Variants in TENM3 observed in about 807,000 individuals in gnomAD.
TENM3 encodes the protein teneurin transmembrane protein 3, also known as teneurin-3.
TENM3 carries 63 observed loss-of-function variants against 255.1 expected under a neutral mutation model. The ratio of observed to expected loss-of-function variants is 0.25; its 90% CI spans 0.20 to 0.30. The LOEUF (loss-of-function observed/expected upper bound fraction) is 0.30. TENM3 is among the 10% of genes least tolerant of loss of function. The probability of loss-of-function intolerance (pLI) is 1.00; values close to 1 mark genes in which losing one functional copy is unlikely to be tolerated. For missense variants in TENM3, 2,929 were observed against 3,461.1 expected, an observed-to-expected ratio of 0.85 and a Z score of 3.86; for synonymous variants, 1,306 against 1,322.3, an observed-to-expected ratio of 0.99 and a Z score of 0.27.
the TENM3 span, among the ~76,000 whole-genome samples, chr4:181,473,591 C>CA: frequency 6.7e-6 from 1 of 149,558 alleles, no homozygotes; most frequent in Non-Finnish European, 1.5e-5. Flanking sequence ...GACTCTGTCT[C>CA]AAAAAACAAC....
chr4:181,783,775 C>A, the TENM3 span, among the ~76,000 whole-genome samples: 12 of 152,164 alleles, frequency 7.9e-5, no homozygotes, highest in African/African-American at 2.4e-4. Flanking sequence ...CTCACTGCTA[C>A]AGCCTTGACC....
the TENM3 span, among the ~76,000 whole-genome samples, chr4:181,461,566 T>C: frequency 1.3e-5 from 2 of 152,192 alleles, no homozygotes; most frequent in South Asian, 4.1e-4. Flanking sequence ...GTCTTTTCTT[T>C]CTGCACTTCA....
At chr4:182,241,502 CCTTTCTTTTTT>C (rs1324770698), upstream of TENM3, among the ~76,000 whole-genome samples, 1 of 142,542 alleles carries the variant, frequency 7.0e-6, no homozygotes, top group Non-Finnish European at 1.5e-5. Flanking sequence ...CTTCCTTTTC[CCTTTCTTTTTT>C]CTTTCTTTTT....
At chr4:182,263,360 G>A (rs1031729208) in intron 1 of TENM3, among the ~76,000 whole-genome samples, 1 of 152,068 alleles carries the variant, frequency 6.6e-6, no homozygotes, top group African/African-American at 2.4e-5. Context: ...TTAATAAAAG[G>A]CAGAGGCGCT....
chr4:181,956,395 A>T, the TENM3 span, among the ~76,000 whole-genome samples: 1 of 152,224 alleles, frequency 6.6e-6, no homozygotes, highest in African/African-American at 2.4e-5. Context: ...CCCATGACAA[A>T]AGTTGTATGC....
At chr4:182,265,487 C>T (rs956559839) in intron 1 of TENM3, among the ~76,000 whole-genome samples, 2 of 152,088 alleles carry the variant, frequency 1.3e-5, no homozygotes, top group Admixed American at 6.5e-5. Flanking sequence ...GTAGTGTTTC[C>T]CTCCTTTTGG....
chr4:181,859,915 C>G, the TENM3 span, among the ~76,000 whole-genome samples: 1 of 151,894 alleles, frequency 6.6e-6, no homozygotes, highest in African/African-American at 2.4e-5. Flanking sequence ...TTTCCTCAGA[C>G]TTTCTTTAAT....
intron 1 of TENM3, among the ~76,000 whole-genome samples, chr4:182,237,325 T>G (rs1466972781): frequency 6.6e-6 from 1 of 152,170 alleles, no homozygotes; most frequent in South Asian, 2.1e-4. Context: ...TATGCATGTA[T>G]CTTTATAACA....
At chr4:181,653,100 C>T in the TENM3 span, among the ~76,000 whole-genome samples, 1 of 152,186 alleles carries the variant, frequency 6.6e-6, no homozygotes, top group African/African-American at 2.4e-5. Context: ...GAGCCTACTC[C>T]ATGCCAGGCA....
At chr4:182,133,411 T>C in the TENM3 span, among the ~76,000 whole-genome samples, 10 of 152,210 alleles carry the variant, frequency 6.6e-5, no homozygotes, top group Non-Finnish European at 1.3e-4. Context: ...GGGATTTCTA[T>C]TAAAGGCTAC....
chr4:182,573,721 A>G (rs1276993331), intron 3 of TENM3, among the ~76,000 whole-genome samples: 2 of 152,226 alleles, frequency 1.3e-5, no homozygotes, highest in South Asian at 2.1e-4. Flanking sequence ...CTGAAGCTTT[A>G]TATCAGAATT....
chr4:182,136,407 T>C, the TENM3 span, among the ~76,000 whole-genome samples: 1 of 152,182 alleles, frequency 6.6e-6, no homozygotes, highest in Non-Finnish European at 1.5e-5. Context: ...CACATTTTTG[T>C]GTATAGATGT....
At chr4:182,310,400 T>A (rs530072120) in intron 1 of TENM3, among the ~76,000 whole-genome samples, 1 of 152,086 alleles carries the variant, frequency 6.6e-6, no homozygotes, top group African/African-American at 2.4e-5. Context: ...GAGGTCTGCT[T>A]CTTCTACGTA....
the TENM3 span, among the ~76,000 whole-genome samples, chr4:181,766,177 C>T: frequency 2.0e-5 from 3 of 152,186 alleles, no homozygotes; most frequent in Admixed American, 1.3e-4. Flanking sequence ...TCACGAAGTA[C>T]TGAGCCACTG....
At chr4:182,731,325 G>A (rs995753678) in intron 16 of TENM3, among the ~76,000 whole-genome samples, 186 bp downstream of exon 16, 3 of 151,960 alleles carry the variant, frequency 2.0e-5, no homozygotes, top group African/African-American at 7.3e-5. Context: ...CCAACATAGT[G>A]AAACCCCATC....
the TENM3 span, among the ~76,000 whole-genome samples, chr4:182,121,119 CTCCCG>C: frequency 2.0e-5 from 3 of 152,106 alleles, no homozygotes; most frequent in East Asian, 3.9e-4. Flanking sequence ...CTGGCTCAGC[CTCCCG>C]AGTAGCTGGG....
chr4:182,201,788 C>T (rs1754201552), intron 1 of TENM3, among the ~76,000 whole-genome samples: 1 of 152,178 alleles, frequency 6.6e-6, no homozygotes, highest in Non-Finnish European at 1.5e-5. Context: ...TCAGAACCCA[C>T]TGCCTCTGAA....
At chr4:181,611,012 T>G in the TENM3 span, among the ~76,000 whole-genome samples, 3 of 152,212 alleles carry the variant, frequency 2.0e-5, no homozygotes, top group Non-Finnish European at 4.4e-5. Flanking sequence ...TTCCAATGAT[T>G]TTAGCCAAAT....
chr4:182,525,138 T>C (rs1352136549), intron 3 of TENM3, among the ~76,000 whole-genome samples: 1 of 152,210 alleles, frequency 6.6e-6, no homozygotes, highest in African/African-American at 2.4e-5. Context: ...CCTAGTGTCC[T>C]TGAGTTTAGC....
Sources: allele counts gnomAD v4.1 joint callset (sites outside exome capture counted in the v4.1 genomes callset), GRCh38; gene constraint gnomAD v4.1.1; transcripts MANE v1.5; gene names NCBI Gene and HGNC (gene_info 2026-07-23, HGNC 2026-07-21).